The following SMC1B variants were observed in gnomAD, a reference collection of about 807,000 sequenced individuals.
SMC1B encodes the protein structural maintenance of chromosomes protein 1B.
A neutral mutation model predicts 157.9 loss-of-function variants in SMC1B; 60 were observed. The ratio of observed to expected loss-of-function variants is 0.38; its 90% CI spans 0.31 to 0.47. SMC1B has a LOEUF of 0.47. Among genes scored for constraint, SMC1B ranks in the 20% least tolerant of loss-of-function variants. The pLI is 0.99. For missense variants in SMC1B, 1,165 were observed against 1,426.2 expected, an observed-to-expected ratio of 0.82 and a Z score of 2.95; for synonymous variants, 445 against 483.0, an observed-to-expected ratio of 0.92 and a Z score of 1.03.
chr22:45,383,348 T>G, intron 12 of SMC1B, 119 bp downstream of exon 12: 1 of 623,564 alleles, frequency 1.6e-6, no homozygotes, highest in South Asian at 4.2e-5. Context: ...TTTTATTTCA[T>G]TCTGCATTAT....
At chr22:45,397,708 T>C (rs1411940008) in intron 6 of SMC1B, among the ~76,000 whole-genome samples, 1 of 152,168 alleles carries the variant, frequency 6.6e-6, no homozygotes, top group Non-Finnish European at 1.5e-5. Flanking sequence ...GTTTTAGCCT[T>C]TTTTTGCATA....
At chr22:45,391,988 C>T (rs1214703893) in intron 9 of SMC1B, among the ~76,000 whole-genome samples, 1 of 152,178 alleles carries the variant, frequency 6.6e-6, no homozygotes, top group Non-Finnish European at 1.5e-5. Flanking sequence ...AACAGTCTCA[C>T]TCTGTCACCC....
intron 12 of SMC1B, among the ~76,000 whole-genome samples, chr22:45,377,000 T>A (rs2086889848): frequency 6.6e-6 from 1 of 152,132 alleles, no homozygotes; most frequent in Non-Finnish European, 1.5e-5. Context: ...TGTAATAGAG[T>A]CTAGAAAGGA....
chr22:45,409,857 C>T (rs1047981016), intron 1 of SMC1B, among the ~76,000 whole-genome samples: 1 of 152,164 alleles, frequency 6.6e-6, no homozygotes, highest in Non-Finnish European at 1.5e-5. Context: ...TTAATCTGAA[C>T]ATATGCTTTC....
Position 45,353,806 on chromosome 22 carries a change from C to T in SMC1B, c.3273+172G>A, listed in dbSNP as rs1041182293. Among the ~76,000 whole-genome samples the T allele has an allele frequency of 7.5e-5, 11 of 146,752 alleles. No individual in the cohort carries two copies. The Middle Eastern group carries it at 0.015, about 195-fold the overall frequency. Reference sequence around the variant, plus strand: ...AGTGTGGAGTGAATGGGATCTACAACGCAGGTCATTAGATAACCACTCTTC... The same window carrying T: ...AGTGTGGAGTGAATGGGATCTACAATGCAGGTCATTAGATAACCACTCTTC... On this transcript the variant is annotated intron_variant, in intron 21 of 24. Transcript: ENST00000357450.
At chr22:45,379,445 C>G (rs1266796078) in intron 12 of SMC1B, among the ~76,000 whole-genome samples, 1 of 152,042 alleles carries the variant, frequency 6.6e-6, no homozygotes, top group East Asian at 1.9e-4. Flanking sequence ...TTGTTTTATT[C>G]TTTTCACTCA....
In SMC1B at chr22:45,393,649, C is replaced by T. The variant is rs2087087236; in HGVS notation, c.1530G>A (p.Leu510=). 6.2e-7 allele frequency: 1 copy of T among 1,611,602 alleles called. No homozygotes were observed. Among genetic ancestry groups the T allele is most frequent in the Non-Finnish European group, 8.5e-7 (1 of 1,179,270 alleles). The change falls in exon 9 of 25, where the codon CTG becomes CTA. Residue 510 remains leucine, a synonymous_variant. Coordinates refer to ENST00000357450, the MANE Select transcript of SMC1B (RefSeq NM_148674.5). The part of the protein sequence containing the change: ...RAEVLEHLKR[L]YPDSVFGRLF... ...TTCTCATTACCACAGAATCTGGGTACAGTCTTTTAAGGTGTTCCAGAACCT... is the reference window on the plus strand; with the variant it reads ...TTCTCATTACCACAGAATCTGGGTATAGTCTTTTAAGGTGTTCCAGAACCT...
chr22:45,400,242 G>T (rs2087176665), intron 5 of SMC1B, among the ~76,000 whole-genome samples: 1 of 152,152 alleles, frequency 6.6e-6, no homozygotes, highest in Non-Finnish European at 1.5e-5. Flanking sequence ...TCCTTGGAGA[G>T]CCTGGGGCAG....
chr22:45,385,989 T>C (rs2086985514), intron 11 of SMC1B, among the ~76,000 whole-genome samples: 1 of 152,132 alleles, frequency 6.6e-6, no homozygotes, highest in Admixed American at 6.5e-5. Flanking sequence ...AATTGACTAG[T>C]AGGTAATAAA....
At chr22:45,355,932 T>C (rs2086665388) in intron 19 of SMC1B, among the ~76,000 whole-genome samples, 2 of 152,162 alleles carry the variant, frequency 1.3e-5, no homozygotes, top group African/African-American at 4.8e-5. Flanking sequence ...TAGCCAGGCA[T>C]GGTGGCGGAT....
At position 45,394,648 on chromosome 22, in the gene SMC1B, G is replaced by GA; in HGVS notation, c.1337+36dup. On this transcript the variant is annotated intron_variant, in intron 8 of 24. Transcript: ENST00000357450. Reference sequence around the variant, plus strand: ...TGAGACCCTCTCTCAAAAAATAAAAGAAAATTGCTGCAAGAAATTTTTTTT... The same window carrying GA: ...TGAGACCCTCTCTCAAAAAATAAAAGAAAAATTGCTGCAAGAAATTTTTTTT... The GA allele has an allele frequency of 2.0e-6, 3 of 1,485,142 alleles. No homozygotes were observed. The South Asian group carries it at 3.9e-5, about 19-fold the overall frequency. The allele number at this position is 1,485,142 out of a possible 1,614,324, so 92.0% of individuals were successfully genotyped here.
chr22:45,396,510 T>G, intron 6 of SMC1B, 24 bp from the exon 7 acceptor site: 2 of 1,593,208 alleles, frequency 1.3e-6, no homozygotes, highest in Non-Finnish European at 1.7e-6. Flanking sequence ...ATTGAAAAAT[T>G]GCTAATTCAC....
chr22:45,384,023 A>G (rs966756682), intron 11 of SMC1B, among the ~76,000 whole-genome samples: 2 of 152,222 alleles, frequency 1.3e-5, no homozygotes, highest in Non-Finnish European at 2.9e-5. Flanking sequence ...AGGTTCCCAC[A>G]GCAGTGAACA....
Position 45,354,113 on chromosome 22 carries a change from C to T in SMC1B, c.3138G>A (p.Lys1046=), listed in dbSNP as rs1277600294. 5 of 1,571,716 alleles carry T rather than the reference C, an allele frequency of 3.2e-6. No individual in the cohort carries two copies. The highest frequency in any genetic ancestry group is 4.3e-6 in the Non-Finnish European group (5 of 1,165,202). The change falls in exon 21 of 25, where the codon AAG becomes AAA. Residue 1046 remains lysine, a synonymous_variant. Transcript: ENST00000357450. ...ACTCTTGCCTACACAGTCTGGCTTC[C>T]TTTCTGCTGGCCTCAAAAGCTAAGA... ...ESTDAFEASR[K]EARLCRQEFE...
chr22:45,353,920 A>AAAAAAAAAAC, intron 21 of SMC1B, 58 bp downstream of exon 21: 1 of 810,950 alleles, frequency 1.2e-6, no homozygotes. Context: ...AAAAAAAAAA[A>AAAAAAAAAAC]CAACCACCAC....
In SMC1B at chr22:45,392,862, G is replaced by A. The variant is rs540639102; in HGVS notation, c.1545+772C>T. 1.9e-3 allele frequency among the ~76,000 whole-genome samples: 282 copies of A among 152,030 alleles called. 2 individuals carry two copies. Among genetic ancestry groups the A allele is most frequent in the Middle Eastern group, 0.01 (3 of 294 alleles). On this transcript the variant is annotated intron_variant, in intron 9 of 24. Transcript: ENST00000357450. The stretch of plus-strand genomic sequence containing the variant: ...ATTATAGGCGCCTGCCACAATGTGC[G>A]GCTACTTTTTGCATTTTTAGTAGAG...
At chr22:45,377,653 T>A (rs1253000966) in intron 12 of SMC1B, among the ~76,000 whole-genome samples, 1 of 150,932 alleles carries the variant, frequency 6.6e-6, no homozygotes, top group Non-Finnish European at 1.5e-5. Context: ...AAAAAAAAAA[T>A]TCCTTGTATA....
At position 45,378,770 on chromosome 22, in the gene SMC1B, C is replaced by T. The variant is rs546212721; in HGVS notation, c.2058+4697G>A. 2.0e-5 allele frequency among the ~76,000 whole-genome samples: 3 copies of T among 152,166 alleles called. No homozygotes were observed. In the East Asian group the frequency reaches 5.8e-4, roughly 29 times the overall value. ...CACTCTAAATATTAATATTTAGGTG[C>T]TATGTGCTGCAAACAGATTTATAAT... is the stretch of plus-strand genomic sequence containing the variant. On this transcript the variant is annotated intron_variant, in intron 12 of 24. Transcript: ENST00000357450.
intron 1 of SMC1B, 26 bp downstream of exon 1, chr22:45,413,433 G>A (rs753364544): frequency 3.9e-6 from 6 of 1,552,638 alleles, no homozygotes; most frequent in East Asian, 2.4e-5. Flanking sequence ...GAGGCGCTCC[G>A]GTGGCGCCCT....
Sources: allele counts gnomAD v4.1 joint callset (sites outside exome capture counted in the v4.1 genomes callset), GRCh38; gene constraint gnomAD v4.1.1; transcripts MANE v1.5; gene names NCBI Gene and HGNC (gene_info 2026-07-23, HGNC 2026-07-21).